The following SSC4D variants were observed in gnomAD, a reference collection of about 807,000 sequenced individuals.
SSC4D encodes scavenger receptor cysteine-rich domain-containing group B protein.
A neutral mutation model predicts 63.4 loss-of-function variants in SSC4D; 57 were observed. The ratio of observed to expected loss-of-function variants is 0.90; its 90% confidence interval spans 0.73 to 1.12. The LOEUF is 1.12. SSC4D is among the 50% of genes most tolerant of loss of function. SSC4D has a pLI of 0.00. For missense variants in SSC4D, 791 were observed against 806.4 expected, an observed-to-expected ratio of 0.98 and a Z score of 0.23; for synonymous variants, 352 against 345.4, an observed-to-expected ratio of 1.02 and a Z score of -0.21.
rs749922061 is a variant in SSC4D, at chr7:76,398,710, G to A, written c.553+10C>T. The A allele has an allele frequency of 1.9e-6, 3 of 1,612,470 alleles. No individual in the cohort carries two copies. Among genetic ancestry groups the A allele is most frequent in the Non-Finnish European group, 1.7e-6 (2 of 1,178,900 alleles). On this transcript the variant is annotated intron_variant, in intron 5 of 10. Transcript: ENST00000275560. ...AAAACCCAGGTGGTGCCCACATTAT[G>A]CTTACGTACTTTTTCCATTCGGCAG...
rs779935278 is a variant in SSC4D, at chr7:76,401,031, T to C, written c.146A>G (p.Gln49Arg). The C allele has an allele frequency of 1.3e-6, 2 of 1,549,096 alleles. No individual in the cohort carries two copies. Among genetic ancestry groups the C allele is most frequent in the South Asian group, 1.2e-5 (1 of 83,750 alleles). Residue 49 changes from glutamine (Q) to arginine (R), a missense_variant, in exon 3 of 11, where the codon CAG (glutamine) becomes CGG (arginine). Transcript: ENST00000275560. ...LLLLPLASALQPTPLPFQELR... is the reference protein window; with the variant it reads ...LLLLPLASALRPTPLPFQELR... ...ACCTTGAAAGGGCAGTGGAGTGGGC[T>C]GTAGGGCGCTGGCTGAAACAGAGTG...
rs555029327 is a variant in SSC4D, at chr7:76,399,862, G to A, written c.475+424C>T. Among the ~76,000 whole-genome samples, 1,231 of 152,202 alleles carry A rather than the reference G, an allele frequency of 8.1e-3. 17 individuals are homozygous for A. Among genetic ancestry groups the A allele is most frequent in the African/African-American group, 0.028 (1,154 of 41,550 alleles). On this transcript the variant is annotated intron_variant, in intron 4 of 10. Transcript: ENST00000275560. The stretch of plus-strand genomic sequence containing the variant: ...TAAAACTAGGAGAGGGGAACCAGTG[G>A]GGTGACTTGGACCTGTAGTTCCAGC...
rs1043411685 is a variant in SSC4D, at chr7:76,389,886, C to T, written c.*173G>A. 3.6e-5 allele frequency: 27 copies of T among 747,024 alleles called. No individual in the cohort carries two copies. Among genetic ancestry groups the T allele is most frequent in the East Asian group, 2.2e-4 (8 of 36,940 alleles). The allele number at this position is 747,024 out of a possible 1,614,324, so 46.3% of individuals were successfully genotyped here. ...AGGCTGAGGTCACGCAGTAAGTGGA[C>T]GGGGGTACAGCCAGGCTCCCCCAAG... is the stretch of plus-strand genomic sequence containing the variant. On this transcript the variant is annotated 3_prime_UTR_variant, in exon 11 of 11. Transcript: ENST00000275560.
intron 2 of SSC4D, 137 bp downstream of exon 2, chr7:76,404,170 A>T: frequency 7.7e-7 from 1 of 1,293,920 alleles, no homozygotes; most frequent in South Asian, 1.7e-5. Flanking sequence ...TCTTTTGTCA[A>T]CTCTGGGCAA....
chr7:76,403,604 G>A (rs1447965093), intron 2 of SSC4D, among the ~76,000 whole-genome samples: 1 of 151,484 alleles, frequency 6.6e-6, no homozygotes, highest in Non-Finnish European at 1.5e-5. Context: ...CCAAAGTGCT[G>A]GGATTACAGG....
intron 1 of SSC4D, among the ~76,000 whole-genome samples, chr7:76,405,129 G>C (rs773518357): frequency 2.3e-4 from 34 of 146,034 alleles, no homozygotes; most frequent in Non-Finnish European, 1.8e-4. Context: ...TTTTCAGACA[G>C]AGTCTCACTC....
chr7:76,404,649 G>C, intron 1 of SSC4D, 144 bp from the exon 2 acceptor site: 1 of 648,924 alleles, frequency 1.5e-6, no homozygotes, highest in Non-Finnish European at 2.6e-6. Context: ...TTAAAAATGA[G>C]GCCGGGTGTG....
chr7:76,393,163 T>G (rs1294333469), intron 9 of SSC4D, among the ~76,000 whole-genome samples: 1 of 152,018 alleles, frequency 6.6e-6, no homozygotes, highest in East Asian at 1.9e-4. Context: ...CCCTCACAGC[T>G]GCACCACGCG....
In SSC4D at chr7:76,393,886, T is replaced by C; in HGVS notation, c.965A>G (p.Gln322Arg). ...TDPSATGVGP[Q>R]PSRETALLTT... is the part of the protein sequence containing the mutation. ...GAGCAGTGCTGTCTCCCGGGAAGGC[T>C]GGGGGCCAACTCCTGTAGCTGTGGA... The change falls in exon 8 of 11, where the codon CAG becomes CGG. Residue 322 changes from glutamine to arginine, a missense_variant. Coordinates refer to ENST00000275560, the MANE Select transcript of SSC4D (RefSeq NM_080744.2). 1 of 1,605,628 alleles carries C rather than the reference T, an allele frequency of 6.2e-7. No individual in the cohort carries two copies. Among genetic ancestry groups the C allele is most frequent in the Non-Finnish European group, 8.5e-7 (1 of 1,175,746 alleles).
chr7:76,407,171 G>C (rs947313649), intron 1 of SSC4D, among the ~76,000 whole-genome samples: 1 of 152,072 alleles, frequency 6.6e-6, no homozygotes, highest in African/African-American at 2.4e-5. Flanking sequence ...ATGTTGACCT[G>C]GCTGGTCTGG....
At chr7:76,399,552 C>T (rs11975972) in intron 4 of SSC4D, among the ~76,000 whole-genome samples, 78,203 of 151,148 alleles carry the variant, frequency 0.52, 21,070 homozygotes, top group African/African-American at 0.65. Flanking sequence ...CTTTGTTTTT[C>T]GAGACAGGAT....
In SSC4D at chr7:76,402,636, A is replaced by T. The variant is rs1212249692; in HGVS notation, c.134-1593T>A. ...GCCTGGCCTTGAGTCTTTCTGCTTC[A>T]GCCATCATGTATGTCCTCATTGCTT... On this transcript the variant is annotated intron_variant, in intron 2 of 10. Coordinates refer to ENST00000275560, the MANE Select transcript of SSC4D (RefSeq NM_080744.2). Among the ~76,000 whole-genome samples the T allele has an allele frequency of 2.6e-5, 4 of 151,844 alleles. 1 individual carries two copies. The highest frequency in any genetic ancestry group is 9.7e-5 in the African/African-American group (4 of 41,340).
chr7:76,402,237 T>C (rs1563685310), intron 2 of SSC4D, among the ~76,000 whole-genome samples: 2 of 149,304 alleles, frequency 1.3e-5, no homozygotes. Flanking sequence ...TGGAGCACAG[T>C]GGCATGATCT....
chr7:76,399,764 T>C (rs1292143666), intron 4 of SSC4D, among the ~76,000 whole-genome samples: 1 of 152,136 alleles, frequency 6.6e-6, no homozygotes, highest in Non-Finnish European at 1.5e-5. Context: ...GCTCAAGCAA[T>C]CTTGCCACCT....
At chr7:76,391,767 C>T (rs933275815) in intron 10 of SSC4D, among the ~76,000 whole-genome samples, 197 bp downstream of exon 10, 22 of 152,178 alleles carry the variant, frequency 1.4e-4, no homozygotes, top group African/African-American at 4.6e-4. Context: ...CTCCAGATTG[C>T]TGTAGTTTAA....
At chr7:76,397,412 A>G in intron 6 of SSC4D, 106 bp downstream of exon 6, 2 of 1,362,814 alleles carry the variant, frequency 1.5e-6, no homozygotes, top group Non-Finnish European at 1.9e-6. Flanking sequence ...CAAGACAGCC[A>G]AAACACCCTC....
chr7:76,400,912 G>T, intron 3 of SSC4D, 96 bp downstream of exon 3: 1 of 1,489,220 alleles, frequency 6.7e-7, no homozygotes, highest in Admixed American at 2.0e-5. Context: ...AGAGTCAAGG[G>T]GGGCTGGTTA....
In SSC4D at chr7:76,397,809, C is replaced by G. The variant is rs778507697; in HGVS notation, c.577G>C (p.Gly193Arg). The G allele has an allele frequency of 1.9e-6, 3 of 1,594,716 alleles. No homozygotes were observed. Among genetic ancestry groups the G allele is most frequent in the Non-Finnish European group, 2.6e-6 (3 of 1,168,616 alleles). ...GKSEGSVRLV[G>R]GANLCQGRVE... ...CGGCCCTGACACAGGTTCGCGCCCC[C>G]TACCAGGCGTACGCTGCCCTCACCT... is the stretch of plus-strand genomic sequence containing the variant. Residue 193 changes from glycine to arginine, a missense_variant, in exon 6 of 11, where the codon GGG becomes CGG. Transcript: ENST00000275560.
intron 2 of SSC4D, among the ~76,000 whole-genome samples, chr7:76,401,670 G>A (rs2115787696): frequency 6.6e-6 from 1 of 152,274 alleles, no homozygotes; most frequent in African/African-American, 2.4e-5. Flanking sequence ...ACCCACTTTG[G>A]CCTGCTAAAG....
Sources: allele counts gnomAD v4.1 joint callset (sites outside exome capture counted in the v4.1 genomes callset), GRCh38; gene constraint gnomAD v4.1.1; transcripts MANE v1.5; gene names NCBI Gene and HGNC (gene_info 2026-07-23, HGNC 2026-07-21).